SMAD1: variants seen among roughly 807,000 people sequenced by gnomAD.
SMAD1 encodes MAD, mothers against decapentaplegic homolog 1.
SMAD1 carries 6 observed loss-of-function variants against 41.6 expected under a neutral mutation model. The observed-to-expected ratio is 0.14, with a 90% confidence interval of 0.08 to 0.28. The LOEUF (loss-of-function observed/expected upper bound fraction) is 0.28, where lower values mean the gene tolerates loss of function less well. Among genes scored for constraint, SMAD1 ranks in the 10% least tolerant of loss-of-function variants. SMAD1 has a pLI of 1.00. For missense variants in SMAD1, 379 were observed against 582.6 expected, an observed-to-expected ratio of 0.65 and a Z score of 3.60; for synonymous variants, 206 against 203.2, an observed-to-expected ratio of 1.01 and a Z score of -0.12.
At chr4:145,522,298 C>G (rs1730783875) in intron 2 of SMAD1, among the ~76,000 whole-genome samples, 1 of 144,938 alleles carries the variant, frequency 6.9e-6, no homozygotes, top group Admixed American at 6.9e-5. Flanking sequence ...GACTCTGTCT[C>G]AAAAAAACAA....
chr4:145,557,499 C>T (rs1732907272), intron 6 of SMAD1, among the ~76,000 whole-genome samples: 1 of 152,128 alleles, frequency 6.6e-6, no homozygotes, highest in Non-Finnish European at 1.5e-5. Context: ...TTTAAAGTGT[C>T]TTTATTAAGA....
At position 145,482,457 on chromosome 4, in the gene SMAD1, C is replaced by T. The variant is rs529131108; in HGVS notation, c.-177+419C>T. 6.6e-6 allele frequency: 1 copy of T among 152,238 alleles called. No homozygotes were observed. The highest frequency in any genetic ancestry group is 2.1e-4 in the South Asian group (1 of 4,826). 9.4% of individuals were successfully genotyped at this position (152,238 alleles called of 1,614,324 possible). ...CATCTCTCCCGTGCTGCCGCCGGGC[C>T]GAGGCCCGTTCGCGTGGCCCGCGGA... is the stretch of plus-strand genomic sequence containing the variant. On this transcript the variant is annotated intron_variant, in intron 1 of 6. Transcript: ENST00000302085. This position sits in a 1 kb window ranked among gnomAD's most constrained non-coding sequence, Gnocchi z 4.2.
At chr4:145,544,432 T>A (rs528316669) in intron 4 of SMAD1, 1 of 152,052 alleles carries the variant, frequency 6.6e-6, no homozygotes, top group African/African-American at 2.4e-5. Context: ...GATGCAAAAA[T>A]TAGCTGGGTG....
At chr4:145,548,228 T>G (rs1197130265) in intron 5 of SMAD1, among the ~76,000 whole-genome samples, 1 of 151,344 alleles carries the variant, frequency 6.6e-6, no homozygotes, top group Non-Finnish European at 1.5e-5. Context: ...ATTTATTTAT[T>G]TATATTTTAT....
chr4:145,525,579 T>C (rs1730979601), intron 2 of SMAD1: 1 of 151,958 alleles, frequency 6.6e-6, no homozygotes, highest in Non-Finnish European at 1.5e-5. Context: ...CTAGTTTGAA[T>C]GTCTGCATGC....
intron 2 of SMAD1, among the ~76,000 whole-genome samples, chr4:145,539,586 G>A (rs997066861): frequency 6.6e-6 from 1 of 152,148 alleles, no homozygotes; most frequent in Non-Finnish European, 1.5e-5. Context: ...CAAATCTCAG[G>A]CATATGTCAT....
At chr4:145,488,882 A>G (rs1728631239) in intron 1 of SMAD1, among the ~76,000 whole-genome samples, 1 of 152,256 alleles carries the variant, frequency 6.6e-6, no homozygotes, top group South Asian at 2.1e-4. Flanking sequence ...ACAAGGTAGT[A>G]TAGGAGTAAA....
intron 2 of SMAD1, among the ~76,000 whole-genome samples, chr4:145,527,619 C>G (rs1208673764): frequency 1.3e-5 from 2 of 152,090 alleles, no homozygotes; most frequent in East Asian, 1.9e-4. Context: ...CAACTTGTAT[C>G]TGGAAAGCCA....
intron 4 of SMAD1, chr4:145,544,907 A>G (rs1732161444): frequency 6.6e-6 from 1 of 152,198 alleles, no homozygotes; most frequent in African/African-American, 2.4e-5. Flanking sequence ...TACTAAACCC[A>G]AAATGTCTGA....
chr4:145,528,960 G>T (rs1473481470), intron 2 of SMAD1, among the ~76,000 whole-genome samples: 1 of 152,172 alleles, frequency 6.6e-6, no homozygotes, highest in Admixed American at 6.5e-5. Context: ...TAGTACCTAG[G>T]ATCAGAGTTG....
chr4:145,512,770 C>T (rs1730154572), intron 1 of SMAD1, among the ~76,000 whole-genome samples: 1 of 152,124 alleles, frequency 6.6e-6, no homozygotes, highest in African/African-American at 2.4e-5. Flanking sequence ...TGCTTGATAA[C>T]TTTTGGTTCA....
intron 2 of SMAD1, among the ~76,000 whole-genome samples, chr4:145,528,091 A>G (rs1731128613): frequency 6.9e-6 from 1 of 145,430 alleles, no homozygotes; most frequent in Admixed American, 7.0e-5. Context: ...ACACACACAC[A>G]CATACACACA....
rs184634545 is a variant in SMAD1, at chr4:145,513,575, C to T, written c.-176-863C>T. On this transcript the variant is annotated intron_variant, in intron 1 of 6. Transcript: ENST00000302085. Reference sequence around the variant, plus strand: ...TTTCCTATCCTATTTGTCCTGTAGCCCATAGACACAGGCTTGTTCACTGAA... The same window carrying T: ...TTTCCTATCCTATTTGTCCTGTAGCTCATAGACACAGGCTTGTTCACTGAA... Among the ~76,000 whole-genome samples, 9 of 152,100 alleles carry T rather than the reference C, an allele frequency of 5.9e-5. No homozygotes were observed. The East Asian group carries it at 1.7e-3, about 29-fold the overall frequency.
At chr4:145,494,631 G>A (rs192578129) in intron 1 of SMAD1, among the ~76,000 whole-genome samples, 123 of 152,304 alleles carry the variant, frequency 8.1e-4, no homozygotes, top group Admixed American at 4.4e-3. Context: ...AAGGGTTATG[G>A]TAAGGAAGCT....
At chr4:145,492,923 T>G (rs560648527) in intron 1 of SMAD1, among the ~76,000 whole-genome samples, 1 of 152,358 alleles carries the variant, frequency 6.6e-6, no homozygotes, top group East Asian at 1.9e-4. Context: ...ATTGGTAGGA[T>G]CCTTACCTAA....
At chr4:145,532,014 A>T (rs529332019) in intron 2 of SMAD1, among the ~76,000 whole-genome samples, 2 of 152,322 alleles carry the variant, frequency 1.3e-5, no homozygotes, top group South Asian at 4.1e-4. Context: ...TTCAAGCAGT[A>T]CTTCAAAATC....
chr4:145,494,008 C>T (rs1728918158), intron 1 of SMAD1, among the ~76,000 whole-genome samples: 1 of 152,196 alleles, frequency 6.6e-6, no homozygotes. Context: ...GTCGCCCAGG[C>T]TGGAGTGCAG....
intron 2 of SMAD1, among the ~76,000 whole-genome samples, chr4:145,527,922 G>A (rs892941244): frequency 6.7e-6 from 1 of 150,150 alleles, no homozygotes; most frequent in Middle Eastern, 3.2e-3. Context: ...GTGCAGTGGC[G>A]CAACCTTGGC....
chr4:145,525,469 C>A (rs923198838), intron 2 of SMAD1, among the ~76,000 whole-genome samples: 1 of 152,202 alleles, frequency 6.6e-6, no homozygotes, highest in South Asian at 2.1e-4. Context: ...TGGTAAAAAT[C>A]TAAGAGGGCT....
Sources: allele counts gnomAD v4.1 joint callset (sites outside exome capture counted in the v4.1 genomes callset), GRCh38; gene constraint gnomAD v4.1.1; non-coding constraint Gnocchi (gnomAD v3.1); transcripts MANE v1.5; gene names NCBI Gene and HGNC (gene_info 2026-07-23, HGNC 2026-07-21).